PRKDC: variants seen among roughly 807,000 people sequenced by gnomAD.
PRKDC encodes DNA-dependent protein kinase catalytic subunit.
Under a neutral mutation model 486.9 loss-of-function variants are expected in PRKDC, and 82 were observed. The observed-to-expected ratio is 0.17, with a 90% CI of 0.14 to 0.20. The LOEUF (loss-of-function observed/expected upper bound fraction) is 0.20, where lower values mean the gene tolerates loss of function less well. PRKDC is among the 10% of genes least tolerant of loss of function. The probability of loss-of-function intolerance (pLI) is 1.00; values close to 1 mark genes in which losing one functional copy is unlikely to be tolerated. For missense variants in PRKDC, 4,504 were observed against 5,038.2 expected (o/e 0.89, Z 3.21); for synonymous variants, 1,895 against 1,837.0 (o/e 1.03, Z -0.81).
chr8:47,786,723 CTTTTTTT>C (rs5891257), intron 76 of PRKDC, among the ~76,000 whole-genome samples: 3 of 88,248 alleles, frequency 3.4e-5, no homozygotes, highest in Non-Finnish European at 5.8e-5. Flanking sequence ...ATTATTTAAT[CTTTTTTT>C]TTTTTTTTTT....
In PRKDC at chr8:47,952,674, A is replaced by G. The variant is rs182014457; in HGVS notation, c.721+946T>C. Among the ~76,000 whole-genome samples the G allele has an allele frequency of 3.0e-3, 446 of 150,874 alleles. 3 individuals are homozygous for G. The highest frequency in any genetic ancestry group is 8.0e-3 in the African/African-American group (328 of 41,052). Reference sequence around the variant, plus strand: ...AGTTCAAGACCAGCCTGGGCAACATAATGATACCCTGTCTCAATTATAAAA... The same window carrying G: ...AGTTCAAGACCAGCCTGGGCAACATGATGATACCCTGTCTCAATTATAAAA... On this transcript the variant is annotated intron_variant, in intron 7 of 85. Coordinates refer to ENST00000314191, the MANE Select transcript of PRKDC (RefSeq NM_006904.7).
rs752030164 is a variant in PRKDC at position 47,887,527 on chromosome 8, T to C, written c.4572+20A>G. 13 of 1,557,334 alleles carry C rather than the reference T, an allele frequency of 8.3e-6. No individual in the cohort carries two copies. The highest frequency in any genetic ancestry group is 8.2e-5 in the African/African-American group (6 of 73,164). ...TTTCTATTATTAGGGGAGTGCAGCATGCAGAGGCGTTTTTCCTACCAGTCC... is the reference window on the plus strand; with the variant it reads ...TTTCTATTATTAGGGGAGTGCAGCACGCAGAGGCGTTTTTCCTACCAGTCC... On this transcript the variant is annotated intron_variant, in intron 35 of 85. Transcript: ENST00000314191.
chr8:47,782,297 T>C lies in PRKDC; in HGVS notation c.11397-43A>G, dbSNP rs774139688. The C allele has an allele frequency of 1.2e-6, 2 of 1,611,644 alleles. No homozygotes were observed. The highest frequency in any genetic ancestry group is 1.3e-5 in the African/African-American group (1 of 75,010). On this transcript the variant is annotated intron_variant, in intron 79 of 85. Coordinates refer to ENST00000314191, the MANE Select transcript of PRKDC (RefSeq NM_006904.7). This position sits in a 1 kb window ranked among gnomAD's most constrained non-coding sequence, Gnocchi z 4.9. ...AGGTTAACGAGTAAACCCAAACTGC[T>C]CTTTCTTCACTAGAAAAACAGTCCC... is the stretch of plus-strand genomic sequence containing the variant.
Position 47,773,182 on chromosome 8 carries a change from G to A in PRKDC, c.*991C>T, listed in dbSNP as rs1434079259. The A allele has an allele frequency of 1.9e-5, 4 of 211,870 alleles. No homozygotes were observed. Among genetic ancestry groups the A allele is most frequent in the Non-Finnish European group, 3.8e-5 (4 of 103,978 alleles). 13.1% of individuals were successfully genotyped at this position (211,870 alleles called of 1,614,324 possible). A position where few individuals can be genotyped will look rare whatever the true frequency, so the allele number is the denominator to read the frequency against. On this transcript the variant is annotated 3_prime_UTR_variant, in exon 86 of 86. Coordinates refer to ENST00000314191, the MANE Select transcript of PRKDC (RefSeq NM_006904.7). ...ATCACAGAAGAGCCTCCAAATACAA[G>A]TGTTAGAAGGAAAAAAAAAAACAAC...
At chr8:47,924,579 T>A (rs866566507) in intron 21 of PRKDC, among the ~76,000 whole-genome samples, 4 of 151,182 alleles carry the variant, frequency 2.6e-5, no homozygotes, top group East Asian at 3.9e-4. Flanking sequence ...ATAATAATAA[T>A]AAAAAAAAGG....
At chr8:47,948,238 G>C (rs1328861990) in intron 7 of PRKDC, among the ~76,000 whole-genome samples, 1 of 151,690 alleles carries the variant, frequency 6.6e-6, no homozygotes, top group Non-Finnish European at 1.5e-5. Flanking sequence ...CTGCCTCCCA[G>C]GTTCAAGATT....
intron 40 of PRKDC, among the ~76,000 whole-genome samples, chr8:47,870,575 G>C (rs1337552183): frequency 1.3e-5 from 2 of 152,098 alleles, no homozygotes. Flanking sequence ...ATACCCCCAA[G>C]TACCTACAAA....
chr8:47,936,006 AG>A, intron 12 of PRKDC, 106 bp from the exon 13 acceptor site: 1 of 1,143,560 alleles, frequency 8.7e-7, no homozygotes, highest in South Asian at 1.9e-5. Context: ...ACTTATTAAA[AG>A]AAAAACATGG....
intron 54 of PRKDC, among the ~76,000 whole-genome samples, chr8:47,847,899 A>C (rs2088309104): frequency 1.3e-5 from 2 of 150,960 alleles, no homozygotes; most frequent in African/African-American, 4.9e-5. Context: ...ATATATATAA[A>C]AGTCATCATC....
intron 24 of PRKDC, among the ~76,000 whole-genome samples, chr8:47,913,684 T>A (rs796917214): frequency 1.2e-4 from 19 of 152,352 alleles, no homozygotes; most frequent in African/African-American, 4.1e-4. Flanking sequence ...TGAGCCACCA[T>A]GCCCAGCCCA....
chr8:47,957,751 C>T (rs553041123), intron 1 of PRKDC, among the ~76,000 whole-genome samples: 25 of 152,196 alleles, frequency 1.6e-4, no homozygotes, highest in South Asian at 1.2e-3. Flanking sequence ...CCTGACCTCA[C>T]GATCAGCCCG....
At chr8:47,811,554 T>C (rs2087325766) in intron 68 of PRKDC, among the ~76,000 whole-genome samples, 1 of 152,218 alleles carries the variant, frequency 6.6e-6, no homozygotes, top group Non-Finnish European at 1.5e-5. Flanking sequence ...CATATGTTCT[T>C]TAGAATATGT....
At chr8:47,854,032 CA>C in intron 51 of PRKDC, 50 bp downstream of exon 51, 1 of 1,601,302 alleles carries the variant, frequency 6.2e-7, no homozygotes, top group Non-Finnish European at 8.5e-7. Context: ...TGAAGTCTGT[CA>C]ATCCAGTTTG....
chr8:47,955,796 AAC>A (rs2090691065), intron 4 of PRKDC, 76 bp downstream of exon 4: 2 of 1,214,778 alleles, frequency 1.6e-6, no homozygotes, highest in Admixed American at 4.7e-5. Context: ...CATCACCCAA[AAC>A]ACAACTCAAA....
Position 47,774,097 on chromosome 8 carries a change from A to G in PRKDC, c.*76T>C. Reference sequence around the variant, plus strand: ...TTTAGTGTTTCAGGAAAATCAGCTCATGGAATGCTGCCAACCAAAGTATAG... The same window carrying G: ...TTTAGTGTTTCAGGAAAATCAGCTCGTGGAATGCTGCCAACCAAAGTATAG... On this transcript the variant is annotated 3_prime_UTR_variant, in exon 86 of 86. Transcript: ENST00000314191. 7.1e-7 allele frequency: 1 copy of G among 1,409,910 alleles called. No homozygotes were observed. The highest frequency in any genetic ancestry group is 9.5e-7 in the Non-Finnish European group (1 of 1,057,456). 87.3% of individuals were successfully genotyped at this position (1,409,910 alleles called of 1,614,324 possible). A position where few individuals can be genotyped will look rare whatever the true frequency, so the allele number is the denominator to read the frequency against.
intron 52 of PRKDC, among the ~76,000 whole-genome samples, chr8:47,852,452 A>T (rs1262774976): frequency 6.6e-6 from 1 of 152,248 alleles, no homozygotes; most frequent in Admixed American, 6.5e-5. Flanking sequence ...TGATCTCTCC[A>T]CGTTCACCAA....
chr8:47,897,713 C>A (rs1335348997), intron 29 of PRKDC, among the ~76,000 whole-genome samples: 1 of 152,196 alleles, frequency 6.6e-6, no homozygotes, highest in East Asian at 1.9e-4. Context: ...GCCAGCCCAG[C>A]AATCTGTGTT....
intron 25 of PRKDC, among the ~76,000 whole-genome samples, chr8:47,907,156 T>C (rs1273795259): frequency 6.6e-6 from 1 of 151,124 alleles, no homozygotes; most frequent in African/African-American, 2.4e-5. Flanking sequence ...TTCTCCTGCC[T>C]CAGCCTCCCG....
chr8:47,835,769 GT>G (rs925143451), intron 58 of PRKDC, among the ~76,000 whole-genome samples: 30 of 145,300 alleles, frequency 2.1e-4, no homozygotes, highest in Admixed American at 3.4e-4. Context: ...TTGCTTTTTG[GT>G]TTTTTTTTTT....
Sources: allele counts gnomAD v4.1 joint callset (sites outside exome capture counted in the v4.1 genomes callset), GRCh38; gene constraint gnomAD v4.1.1; non-coding constraint Gnocchi (gnomAD v3.1); transcripts MANE v1.5; gene names NCBI Gene and HGNC (gene_info 2026-07-23, HGNC 2026-07-21).